NRXN3: variants seen among roughly 807,000 people sequenced by gnomAD.
NRXN3 encodes neurexin III.
In NRXN3, 32 loss-of-function variants were observed where a neutral mutation model predicts 137.6. The observed-to-expected ratio is 0.23, with a 90% CI of 0.18 to 0.31. NRXN3 has a LOEUF of 0.31. Ranked by LOEUF, NRXN3 falls within the 10% of genes least tolerant of loss-of-function variation. The pLI, the probability that NRXN3 is intolerant of heterozygous loss-of-function variation, is 1.00. For synonymous variants in NRXN3, 798 were observed against 784.5 expected (o/e 1.02, Z -0.29); for missense variants, 1,574 against 2,062.5 (o/e 0.76, Z 4.59).
At chr14:79,445,123 C>T (rs1183280066) in intron 15 of NRXN3, among the ~76,000 whole-genome samples, 1 of 151,998 alleles carries the variant, frequency 6.6e-6, no homozygotes, top group Non-Finnish European at 1.5e-5. Flanking sequence ...GGGCAGATCA[C>T]GAGGTCAAGA....
At chr14:79,701,332 A>G (rs1224767344) in intron 19 of NRXN3, among the ~76,000 whole-genome samples, 1 of 152,086 alleles carries the variant, frequency 6.6e-6, no homozygotes, top group Admixed American at 6.6e-5. Flanking sequence ...TTAGATTTCA[A>G]AATTCTGTGA....
intron 16 of NRXN3, among the ~76,000 whole-genome samples, chr14:79,610,342 AT>A (rs2098083496): frequency 6.6e-6 from 1 of 152,182 alleles, no homozygotes; most frequent in Non-Finnish European, 1.5e-5. Flanking sequence ...GTATTAGGTA[AT>A]TAACATGTGA....
chr14:78,484,015 CACACACACACACAG>C (rs1187239617), intron 4 of NRXN3, among the ~76,000 whole-genome samples: 60 of 80,412 alleles, frequency 7.5e-4, no homozygotes, highest in Middle Eastern at 9.8e-3. Context: ...CACACACACA[CACACACACACACAG>C]AGAGAGAGAG....
At chr14:78,791,511 G>A (rs1243317703) in intron 8 of NRXN3, among the ~76,000 whole-genome samples, 1 of 152,106 alleles carries the variant, frequency 6.6e-6, no homozygotes, top group Non-Finnish European at 1.5e-5. Flanking sequence ...TGGTAAAAAT[G>A]CTGAGAATTA....
At chr14:79,399,547 C>T (rs559963713) in intron 15 of NRXN3, among the ~76,000 whole-genome samples, 10 of 152,058 alleles carry the variant, frequency 6.6e-5, no homozygotes, top group South Asian at 2.1e-4. Context: ...GGTCTACAAA[C>T]GGCATGGTGG....
intron 15 of NRXN3, chr14:79,279,254 T>C: frequency 1.4e-6 from 1 of 718,782 alleles, no homozygotes; most frequent in South Asian, 6.2e-5. Flanking sequence ...CGGGTCGCTC[T>C]GGCCCCTCCT....
In NRXN3 at chr14:79,457,043, G is replaced by A. The variant is rs182664794; in HGVS notation, c.3263-10178G>A. The stretch of plus-strand genomic sequence containing the variant: ...CTGATGGAGTGTTTCTCTGGTTCCA[G>A]GTTTAAAAAAAAAAAAAAAAAGTTC... On this transcript the variant is annotated intron_variant, in intron 15 of 20. Coordinates refer to ENST00000335750, the MANE Select transcript of NRXN3 (RefSeq NM_001330195.2). Among the ~76,000 whole-genome samples, 170 of 146,734 alleles carry A rather than the reference G, an allele frequency of 1.2e-3. 1 individual carries two copies. The highest frequency in any genetic ancestry group is 4.3e-3 in the African/African-American group (169 of 39,590).
intron 10 of NRXN3, among the ~76,000 whole-genome samples, chr14:78,896,598 AC>A (rs1295722083): frequency 6.6e-6 from 1 of 151,900 alleles, no homozygotes; most frequent in Non-Finnish European, 1.5e-5. Context: ...AGAGAGATCA[AC>A]ATTATATATT....
chr14:79,465,621 ACTT>A (rs1281951460), intron 15 of NRXN3, among the ~76,000 whole-genome samples: 5 of 152,228 alleles, frequency 3.3e-5, no homozygotes, highest in Non-Finnish European at 7.3e-5. Flanking sequence ...TGAATAACTC[ACTT>A]CTTCTTTGGT....
chr14:79,765,426 A>G (rs1000879297), intron 19 of NRXN3, among the ~76,000 whole-genome samples: 4 of 152,168 alleles, frequency 2.6e-5, no homozygotes, highest in Non-Finnish European at 4.4e-5. Context: ...CATTTCCTGT[A>G]TTCTACATGC....
intron 4 of NRXN3, among the ~76,000 whole-genome samples, chr14:78,625,993 A>G (rs1043422009): frequency 2.0e-5 from 3 of 152,228 alleles, no homozygotes; most frequent in African/African-American, 7.2e-5. Context: ...TGACGGCTCC[A>G]CACAATAGTC....
chr14:79,635,687 C>A (rs1202199515), intron 16 of NRXN3, among the ~76,000 whole-genome samples: 1 of 152,144 alleles, frequency 6.6e-6, no homozygotes, highest in Non-Finnish European at 1.5e-5. Context: ...GGCGTTTTCC[C>A]TGTGTGTCTG....
At chr14:78,906,167 G>A (rs542613503) in intron 10 of NRXN3, among the ~76,000 whole-genome samples, 1 of 152,100 alleles carries the variant, frequency 6.6e-6, no homozygotes, top group Non-Finnish European at 1.5e-5. Context: ...TAAAAATGGA[G>A]CAGAGATTTC....
At chr14:78,934,858 C>T (rs1307578391) in intron 10 of NRXN3, among the ~76,000 whole-genome samples, 3 of 151,632 alleles carry the variant, frequency 2.0e-5, no homozygotes, top group East Asian at 1.9e-4. Flanking sequence ...ATACCTAATG[C>T]TAAATGATGA....
At chr14:79,201,135 G>A (rs1376671936) in intron 15 of NRXN3, 1 of 152,074 alleles carries the variant, frequency 6.6e-6, no homozygotes, top group Non-Finnish European at 1.5e-5. Context: ...TGTCAAGTTT[G>A]CCTATTAGGT....
intron 4 of NRXN3, among the ~76,000 whole-genome samples, chr14:78,606,733 C>T (rs2097256228): frequency 6.6e-6 from 1 of 152,206 alleles, no homozygotes; most frequent in Non-Finnish European, 1.5e-5. Context: ...ACAGTCAACT[C>T]AGGGGGCATG....
chr14:79,394,141 C>G (rs893404378), intron 15 of NRXN3, among the ~76,000 whole-genome samples: 1 of 152,092 alleles, frequency 6.6e-6, no homozygotes, highest in Non-Finnish European at 1.5e-5. Flanking sequence ...ATAGTGAAAT[C>G]TTTTTAAAAA....
intron 16 of NRXN3, among the ~76,000 whole-genome samples, chr14:79,509,541 A>ATG (rs35117475): frequency 0.41 from 60,340 of 148,682 alleles, 12,342 homozygotes; most frequent in African/African-American, 0.48. Context: ...TATTATATAT[A>ATG]TGTGTGTGTG....
intron 15 of NRXN3, among the ~76,000 whole-genome samples, chr14:79,435,735 G>T (rs1254685526): frequency 6.6e-6 from 1 of 151,988 alleles, no homozygotes; most frequent in Non-Finnish European, 1.5e-5. Context: ...CCTGAGCTCA[G>T]GCTATCCTCC....
Sources: gnomAD v4.1 joint callset for allele counts (sites outside exome capture counted in the v4.1 genomes callset) on GRCh38, gnomAD v4.1.1 for gene constraint, MANE v1.5 for transcripts, NCBI Gene and HGNC (gene_info 2026-07-23, HGNC 2026-07-21) for gene names.